Variants in NINL observed in about 807,000 individuals in gnomAD.
The protein encoded by NINL is ninein like, also known as ninein-like protein.
NINL carries 153 observed loss-of-function variants against 160.3 expected under a neutral mutation model. The ratio of observed to expected loss-of-function variants is 0.95; its 90% CI spans 0.84 to 1.09. The LOEUF (loss-of-function observed/expected upper bound fraction) is 1.09, where lower values mean the gene tolerates loss of function less well. Among genes scored for constraint, NINL ranks in the 50% least tolerant of loss-of-function variants. NINL has a pLI of 0.00. For synonymous variants in NINL, 800 were observed against 734.8 expected (o/e 1.09, Z -1.43); for missense variants, 1,829 against 1,764.0 (o/e 1.04, Z -0.66).
At chr20:25,470,768 G>C (rs1175597016) in intron 17 of NINL, among the ~76,000 whole-genome samples, 2 of 152,290 alleles carry the variant, frequency 1.3e-5, no homozygotes, top group South Asian at 4.1e-4. Flanking sequence ...GCTGAGGCAG[G>C]AAGACTGCTT....
At chr20:25,565,012 G>A (rs2064984482) in intron 1 of NINL, among the ~76,000 whole-genome samples, 1 of 152,210 alleles carries the variant, frequency 6.6e-6, no homozygotes, top group South Asian at 2.1e-4. Flanking sequence ...ACAAGTATAA[G>A]AGAAAATCCT....
chr20:25,564,681 G>A (rs985001091), intron 1 of NINL, among the ~76,000 whole-genome samples: 1 of 151,862 alleles, frequency 6.6e-6, no homozygotes, highest in South Asian at 2.1e-4. Flanking sequence ...TTGAACTCCT[G>A]ACCTCAAGTG....
chr20:25,537,884 C>A (rs903504013), intron 1 of NINL, among the ~76,000 whole-genome samples: 17 of 151,158 alleles, frequency 1.1e-4, no homozygotes, highest in Non-Finnish European at 2.2e-4. Flanking sequence ...ACGTTAACTG[C>A]ACACCTATAC....
intron 10 of NINL, among the ~76,000 whole-genome samples, chr20:25,495,243 A>G (rs913299968): frequency 6.6e-6 from 1 of 152,208 alleles, no homozygotes; most frequent in Non-Finnish European, 1.5e-5. Context: ...TTCAGCCCGC[A>G]GTGCAGCTGG....
At chr20:25,520,780 T>G (rs1309452564) in intron 2 of NINL, among the ~76,000 whole-genome samples, 2 of 152,264 alleles carry the variant, frequency 1.3e-5, no homozygotes, top group Non-Finnish European at 2.9e-5. Context: ...TGGCTCACTT[T>G]TAGGATATGT....
chr20:25,501,947 A>C (rs1345079786), intron 7 of NINL, among the ~76,000 whole-genome samples: 1 of 151,890 alleles, frequency 6.6e-6, no homozygotes, highest in Non-Finnish European at 1.5e-5. Flanking sequence ...TTTTTTCACC[A>C]GGTTTCTAAA....
chr20:25,561,778 G>A (rs2064942039), intron 1 of NINL, among the ~76,000 whole-genome samples: 1 of 150,274 alleles, frequency 6.7e-6, no homozygotes, highest in South Asian at 2.1e-4. Context: ...TCTGAGAAGT[G>A]AGGAGACCCT....
At chr20:25,521,507 C>T (rs2064263080) in intron 2 of NINL, among the ~76,000 whole-genome samples, 1 of 152,146 alleles carries the variant, frequency 6.6e-6, no homozygotes, top group African/African-American at 2.4e-5. Context: ...ATATGCTGGT[C>T]ATTGTATTTG....
chr20:25,469,698 C>T (rs1045932739), intron 18 of NINL, among the ~76,000 whole-genome samples: 5 of 152,272 alleles, frequency 3.3e-5, no homozygotes, highest in South Asian at 2.1e-4. Context: ...GTGGGGTGAA[C>T]GGCGCCTGTG....
rs1213222795 is a variant in NINL at position 25,512,970 on chromosome 20, C to T, written c.314G>A (p.Gly105Asp). 6.2e-7 allele frequency: 1 copy of T among 1,611,526 alleles called. No individual in the cohort carries two copies. Among genetic ancestry groups the T allele is most frequent in the African/African-American group, 1.3e-5 (1 of 74,846 alleles). ...SSAIPPKYVN[G>D]SKWYGRRSRP... ...GCTCCGACGGCCATACCACTTAGAACCATTCACATACTTTGGAGGGATGGC... is the reference window on the plus strand; with the variant it reads ...GCTCCGACGGCCATACCACTTAGAATCATTCACATACTTTGGAGGGATGGC... Residue 105 changes from glycine to aspartate, a missense_variant, in exon 4 of 24, where the codon GGT becomes GAT. Coordinates refer to ENST00000278886, the MANE Select transcript of NINL (RefSeq NM_025176.6).
intron 1 of NINL, among the ~76,000 whole-genome samples, chr20:25,568,998 G>A (rs1416715435): frequency 6.6e-6 from 1 of 151,768 alleles, no homozygotes; most frequent in Non-Finnish European, 1.5e-5. Flanking sequence ...GGAAGGCCCA[G>A]GTGGGTAGAT....
Position 25,467,432 on chromosome 20 carries a change from T to C in NINL, c.3380A>G (p.Asp1127Gly). Residue 1127 changes from aspartate (D) to glycine (G), a missense_variant, in exon 19 of 24, where the codon GAC (aspartate) becomes GGC (glycine). Coordinates refer to ENST00000278886, the MANE Select transcript of NINL (RefSeq NM_025176.6). ...QRKEIEVLKK[D>G]KEKACSEMEV... The stretch of plus-strand genomic sequence containing the variant: ...CATCTCAGAGCAGGCCTTTTCCTTG[T>C]CTTTCTTTAAAACCTCAATTTCCTT... 6.2e-7 allele frequency: 1 copy of C among 1,614,142 alleles called. No homozygotes were observed.
intron 1 of NINL, among the ~76,000 whole-genome samples, chr20:25,534,553 A>G (rs1424499763): frequency 6.6e-6 from 1 of 152,236 alleles, no homozygotes; most frequent in African/African-American, 2.4e-5. Flanking sequence ...AGGTTCGTGT[A>G]CTGAACACTG....
intron 1 of NINL, among the ~76,000 whole-genome samples, chr20:25,552,617 A>G (rs945150302): frequency 2.6e-5 from 4 of 152,226 alleles, no homozygotes; most frequent in Admixed American, 6.5e-5. Flanking sequence ...CGGAGGGGCC[A>G]CAAGCCTCCA....
intron 10 of NINL, among the ~76,000 whole-genome samples, chr20:25,493,555 C>T (rs886640334): frequency 9.2e-5 from 14 of 152,164 alleles, no homozygotes; most frequent in Non-Finnish European, 1.6e-4. Flanking sequence ...CTCTGGAGAT[C>T]CAAGCTGGCC....
chr20:25,453,694 C>T, intron 23 of NINL, 52 bp from the exon 24 acceptor site: 3 of 1,488,140 alleles, frequency 2.0e-6, no homozygotes, highest in South Asian at 1.3e-5. Flanking sequence ...AGAAACGCTA[C>T]AGATCAGCCT....
intron 16 of NINL, 84 bp downstream of exon 16, chr20:25,478,839 T>C: frequency 6.9e-7 from 1 of 1,458,386 alleles, no homozygotes; most frequent in Non-Finnish European, 9.1e-7. Context: ...ACAGCAATTC[T>C]GAGTTGTTTC....
At chr20:25,545,519 C>A (rs192536473) in intron 1 of NINL, among the ~76,000 whole-genome samples, 10 of 152,110 alleles carry the variant, frequency 6.6e-5, no homozygotes, top group African/African-American at 2.4e-4. Flanking sequence ...CAGCCAAGGG[C>A]ATTCCAAAGT....
chr20:25,473,208 C>G (rs909512627), intron 17 of NINL, among the ~76,000 whole-genome samples: 4 of 152,180 alleles, frequency 2.6e-5, no homozygotes, highest in African/African-American at 7.2e-5. Flanking sequence ...TGGTGAATTC[C>G]ATCTCTTGTT....
Sources: allele counts gnomAD v4.1 joint callset (sites outside exome capture counted in the v4.1 genomes callset), GRCh38; gene constraint gnomAD v4.1.1; transcripts MANE v1.5; gene names NCBI Gene and HGNC (gene_info 2026-07-23, HGNC 2026-07-21).